Variants in PCNX2 observed in about 807,000 individuals in gnomAD.
PCNX2 encodes the protein pecanex 2.
Under a neutral mutation model 223.8 loss-of-function variants are expected in PCNX2, and 168 were observed. The observed-to-expected ratio is 0.75, with a 90% CI of 0.66 to 0.85. The LOEUF (loss-of-function observed/expected upper bound fraction) is 0.85, where lower values mean the gene tolerates loss of function less well. Ranked by LOEUF, PCNX2 falls within the 40% of genes least tolerant of loss-of-function variation. The pLI, the probability that PCNX2 is intolerant of heterozygous loss-of-function variation, is 0.00. For missense variants in PCNX2, 2,507 were observed against 2,675.5 expected, an observed-to-expected ratio of 0.94 and a Z score of 1.39; for synonymous variants, 1,006 against 1,052.6, an observed-to-expected ratio of 0.96 and a Z score of 0.86.
intron 13 of PCNX2, among the ~76,000 whole-genome samples, chr1:233,207,646 T>C (rs564174088): frequency 6.6e-6 from 1 of 152,226 alleles, no homozygotes; most frequent in Non-Finnish European, 1.5e-5. Context: ...TTTTTGCCTT[T>C]ATATCACAGT....
At chr1:233,209,162 T>C (rs192851996) in intron 12 of PCNX2, among the ~76,000 whole-genome samples, 2 of 152,264 alleles carry the variant, frequency 1.3e-5, no homozygotes, top group Non-Finnish European at 2.9e-5. Context: ...AGCAAGACAA[T>C]ATGGGTATGA....
intron 1 of PCNX2, chr1:233,289,486 G>C: frequency 1.2e-6 from 1 of 854,032 alleles, no homozygotes; most frequent in Non-Finnish European, 2.0e-6. Flanking sequence ...GCCGGCTTAG[G>C]AAGAGCAGAA....
intron 23 of PCNX2, among the ~76,000 whole-genome samples, chr1:233,071,987 T>C (rs935256862): frequency 6.6e-5 from 10 of 152,214 alleles, no homozygotes; most frequent in African/African-American, 2.2e-4. Flanking sequence ...CACTTTTTAA[T>C]GGGGTTGTTT....
At chr1:233,131,217 T>G (rs554353645) in intron 21 of PCNX2, among the ~76,000 whole-genome samples, 1 of 152,150 alleles carries the variant, frequency 6.6e-6, no homozygotes, top group African/African-American at 2.4e-5. Context: ...ACATCTGCAG[T>G]GGTCAGAGGA....
chr1:233,163,943 G>T (rs1008368457), intron 17 of PCNX2, among the ~76,000 whole-genome samples: 14 of 152,004 alleles, frequency 9.2e-5, no homozygotes, highest in African/African-American at 3.4e-4. Context: ...TTCACCTGTG[G>T]GTAGATGTTT....
intron 23 of PCNX2, 113 bp downstream of exon 23, chr1:233,089,948 C>T (rs1237465249): frequency 6.5e-7 from 1 of 1,532,164 alleles, no homozygotes; most frequent in Admixed American, 2.2e-5. Flanking sequence ...TTTGGCCTGG[C>T]CCCACAGCAG....
At chr1:233,118,024 G>T (rs1275896323) in intron 21 of PCNX2, among the ~76,000 whole-genome samples, 1 of 136,902 alleles carries the variant, frequency 7.3e-6, no homozygotes, top group African/African-American at 2.7e-5. Context: ...AAAAAAAAAA[G>T]AATAATTATA....
intron 15 of PCNX2, among the ~76,000 whole-genome samples, chr1:233,185,117 AC>A (rs1680020324): frequency 6.7e-6 from 1 of 149,934 alleles, no homozygotes; most frequent in African/African-American, 2.5e-5. Flanking sequence ...ACACACACAC[AC>A]ACACACACAC....
At chr1:233,123,351 G>A (rs1206538017) in intron 21 of PCNX2, among the ~76,000 whole-genome samples, 1 of 152,136 alleles carries the variant, frequency 6.6e-6, no homozygotes, top group African/African-American at 2.4e-5. Flanking sequence ...GGAGGCCGAG[G>A]TGGGCGGATC....
chr1:233,072,435 G>T (rs1446392058), intron 23 of PCNX2, among the ~76,000 whole-genome samples: 2 of 151,908 alleles, frequency 1.3e-5, no homozygotes, highest in African/African-American at 4.8e-5. Context: ...CAGGTTGTAG[G>T]TGTGTGGCCT....
intron 19 of PCNX2, among the ~76,000 whole-genome samples, chr1:233,158,570 G>T (rs1400456368): frequency 1.3e-5 from 2 of 152,154 alleles, no homozygotes; most frequent in African/African-American, 4.8e-5. Context: ...GTAAGTATTG[G>T]TATGGGTATA....
At chr1:233,174,998 C>T (rs1181069918) in intron 17 of PCNX2, among the ~76,000 whole-genome samples, 1 of 151,996 alleles carries the variant, frequency 6.6e-6, no homozygotes, top group Non-Finnish European at 1.5e-5. Flanking sequence ...ATCCTCAGAC[C>T]CCCTCACAGG....
intron 15 of PCNX2, among the ~76,000 whole-genome samples, chr1:233,183,403 G>C (rs1298967101): frequency 6.6e-6 from 1 of 152,188 alleles, no homozygotes; most frequent in Admixed American, 6.5e-5. Flanking sequence ...ATGACTACAA[G>C]GTTTGGGCTT....
intron 15 of PCNX2, 56 bp downstream of exon 15, chr1:233,198,883 A>T: frequency 2.1e-6 from 3 of 1,446,756 alleles, no homozygotes; most frequent in Non-Finnish European, 2.8e-6. Flanking sequence ...TTGTTTAAAA[A>T]AATAAGTTAA....
At chr1:233,291,894 C>T (rs1661788069) in intron 1 of PCNX2, 27 of 984,028 alleles carry the variant, frequency 2.7e-5, no homozygotes, top group Non-Finnish European at 3.1e-5. Context: ...TCAGAACTTA[C>T]ACAAGGCCAG....
intron 25 of PCNX2, among the ~76,000 whole-genome samples, chr1:233,032,509 C>A (rs1414274676): frequency 6.6e-6 from 1 of 152,104 alleles, no homozygotes; most frequent in Non-Finnish European, 1.5e-5. Context: ...ATGTGAGTTT[C>A]ATTCCAATTT....
intron 21 of PCNX2, among the ~76,000 whole-genome samples, chr1:233,110,790 G>A (rs1414762777): frequency 1.3e-5 from 2 of 150,504 alleles, no homozygotes; most frequent in Non-Finnish European, 3.0e-5. Context: ...ATATAAAGTG[G>A]TATATTATTT....
At chr1:233,207,018 A>AG (rs1553313347) in intron 13 of PCNX2, among the ~76,000 whole-genome samples, 12 of 150,570 alleles carry the variant, frequency 8.0e-5, no homozygotes, top group East Asian at 7.9e-4. Context: ...CAAAAAAAAA[A>AG]AAGAAGAAGA....
At chr1:233,156,303 TAGA>T (rs1344619549) in intron 19 of PCNX2, among the ~76,000 whole-genome samples, 1 of 152,206 alleles carries the variant, frequency 6.6e-6, no homozygotes, top group African/African-American at 2.4e-5. Context: ...TTCTACCAAG[TAGA>T]AGTACATATT....
Sources: gnomAD v4.1 joint callset for allele counts (sites outside exome capture counted in the v4.1 genomes callset) on GRCh38, gnomAD v4.1.1 for gene constraint, MANE v1.5 for transcripts, NCBI Gene and HGNC (gene_info 2026-07-23, HGNC 2026-07-21) for gene names.